ZNF341: variants seen among roughly 807,000 people sequenced by gnomAD.
ZNF341 encodes zinc finger protein 341.
ZNF341 carries 52 observed loss-of-function variants against 87.7 expected under a neutral mutation model. The observed-to-expected ratio is 0.59, with a 90% CI of 0.47 to 0.75. The LOEUF is 0.75. ZNF341 is among the 30% of genes least tolerant of loss of function. ZNF341 has a pLI of 0.00. For synonymous variants in ZNF341, 459 were observed against 472.7 expected (o/e 0.97, Z 0.38); for missense variants, 977 against 1,145.9 (o/e 0.85, Z 2.13).
At chr20:33,736,362 A>G (rs1295885639) in intron 1 of ZNF341, among the ~76,000 whole-genome samples, 2 of 152,004 alleles carry the variant, frequency 1.3e-5, no homozygotes, top group Non-Finnish European at 2.9e-5. Context: ...AACTGCCCTT[A>G]GTCATCCCCG....
At chr20:33,762,565 C>T (rs1043423422) in intron 8 of ZNF341, among the ~76,000 whole-genome samples, 8 of 150,500 alleles carry the variant, frequency 5.3e-5, no homozygotes, top group Admixed American at 6.6e-5. Flanking sequence ...ATGTGCAGAA[C>T]GTGCAGGTTT....
At chr20:33,767,188 A>C (rs747402967) in intron 9 of ZNF341, 147 bp downstream of exon 9, 15 of 998,186 alleles carry the variant, frequency 1.5e-5, no homozygotes, top group Non-Finnish European at 1.9e-5. Context: ...GATTCCGAGC[A>C]GGGGATTGAT....
intron 1 of ZNF341, among the ~76,000 whole-genome samples, chr20:33,739,865 A>T (rs1431176554): frequency 1.3e-5 from 2 of 152,020 alleles, no homozygotes; most frequent in Non-Finnish European, 2.9e-5. Flanking sequence ...CCCAGGATTT[A>T]TCCAGCTTTT....
rs1476450442 is a variant in ZNF341 at position 33,791,481 on chromosome 20, G to T, written c.2529G>T (p.Met843Ile). The change falls in exon 15 of 15, where the codon ATG becomes ATT. Residue 843 changes from methionine to isoleucine, a missense_variant. Coordinates refer to ENST00000375200, the MANE Select transcript of ZNF341 (RefSeq NM_001282933.2). ...LQAGAEGPCA[M>I]LAVPVYIQAS... ...CTGGGGCCGAGGGCCCATGTGCCAT[G>T]CTCGCTGTGCCCGTCTACATCCAGG... 2.5e-6 allele frequency: 4 copies of T among 1,588,218 alleles called. No individual in the cohort carries two copies. Among genetic ancestry groups the T allele is most frequent in the Non-Finnish European group, 3.4e-6 (4 of 1,170,434 alleles).
At chr20:33,764,120 G>T (rs1000953866) in intron 8 of ZNF341, among the ~76,000 whole-genome samples, 1 of 150,178 alleles carries the variant, frequency 6.7e-6, no homozygotes, top group Non-Finnish European at 1.5e-5. Context: ...CGCCTCCTGG[G>T]TTCACGCCAT....
intron 5 of ZNF341, 115 bp from the exon 6 acceptor site, chr20:33,757,033 G>A (rs2019190104): frequency 1.2e-6 from 1 of 827,336 alleles, no homozygotes; most frequent in Non-Finnish European, 1.8e-6. Flanking sequence ...GGGCTGTGAT[G>A]GTGATGTAGG....
At chr20:33,749,217 T>C in intron 4 of ZNF341, 145 bp downstream of exon 4, 2 of 1,211,646 alleles carry the variant, frequency 1.7e-6, no homozygotes, top group Non-Finnish European at 1.1e-6. Context: ...CTTGTCCAGC[T>C]CTGCTATAGA....
intron 4 of ZNF341, among the ~76,000 whole-genome samples, chr20:33,751,210 T>C (rs1397145404): frequency 6.6e-6 from 1 of 152,134 alleles, no homozygotes; most frequent in Non-Finnish European, 1.5e-5. Context: ...TCACTATCCA[T>C]AAACAGACAT....
At position 33,788,862 on chromosome 20, in the gene ZNF341, G is replaced by A; in HGVS notation, c.1853-1G>A. 6.2e-7 allele frequency: 1 copy of A among 1,613,714 alleles called. No individual in the cohort carries two copies. Among genetic ancestry groups the A allele is most frequent in the Non-Finnish European group, 8.5e-7 (1 of 1,179,756 alleles). On this transcript the variant is annotated splice_acceptor_variant, in intron 12 of 14. Coordinates refer to ENST00000375200, the MANE Select transcript of ZNF341 (RefSeq NM_001282933.2). LOFTEE classifies it high-confidence loss of function. Reference sequence around the variant, plus strand: ...GCTCTCCCTGTCTGTGTCTGCTGCAGGTGAGAAGCCCTACAAATGCTCAGT... The same window carrying A: ...GCTCTCCCTGTCTGTGTCTGCTGCAAGTGAGAAGCCCTACAAATGCTCAGT...
intron 10 of ZNF341, among the ~76,000 whole-genome samples, chr20:33,774,941 C>T (rs1179332216): frequency 6.6e-6 from 1 of 152,118 alleles, no homozygotes; most frequent in Non-Finnish European, 1.5e-5. Flanking sequence ...TCGTGAGACC[C>T]TGTCTCGGGG....
chr20:33,789,483 G>A (rs2019950463), intron 13 of ZNF341, 35 bp from the exon 14 acceptor site: 1 of 1,612,534 alleles, frequency 6.2e-7, no homozygotes, highest in African/African-American at 1.3e-5. Context: ...CCTAAGCTTG[G>A]TGAGCTCCCC....
intron 10 of ZNF341, among the ~76,000 whole-genome samples, chr20:33,774,968 G>C (rs1171198854): frequency 6.6e-6 from 1 of 152,052 alleles, no homozygotes; most frequent in African/African-American, 2.4e-5. Flanking sequence ...AAAAACATCA[G>C]TAATATGGAC....
chr20:33,779,129 G>A (rs903833139), intron 10 of ZNF341, among the ~76,000 whole-genome samples: 1 of 152,204 alleles, frequency 6.6e-6, no homozygotes, highest in Non-Finnish European at 1.5e-5. Flanking sequence ...TAGCAGATCT[G>A]CCACTGGGGA....
chr20:33,770,360 C>A, intron 10 of ZNF341, 68 bp downstream of exon 10: 1 of 1,481,298 alleles, frequency 6.8e-7, no homozygotes, highest in Non-Finnish European at 9.3e-7. Context: ...GGGCCTGTGG[C>A]CTTGGTGGTT....
At chr20:33,744,062 C>T (rs1486015228) in intron 2 of ZNF341, among the ~76,000 whole-genome samples, 1 of 151,948 alleles carries the variant, frequency 6.6e-6, no homozygotes, top group Non-Finnish European at 1.5e-5. Context: ...TGAGTGGATC[C>T]CTTGAGGTCA....
intron 8 of ZNF341, among the ~76,000 whole-genome samples, chr20:33,762,518 CT>C (rs527542288): frequency 3.1e-4 from 45 of 145,750 alleles, no homozygotes; most frequent in South Asian, 1.5e-3. Context: ...AAAGCCCTTT[CT>C]TTTTTTTTTT....
Position 33,735,435 on chromosome 20 carries a change from AG to A in ZNF341, c.31+3384del, listed in dbSNP as rs2018659770. On this transcript the variant is annotated intron_variant, in intron 1 of 14. Coordinates refer to ENST00000375200, the MANE Select transcript of ZNF341 (RefSeq NM_001282933.2). Reference sequence around the variant, plus strand: ...CTGCAGCCTCAAACTCCTGGGCTCAAGTGATCCTCCCACCTCAGCCTCCCAG... The same window carrying A: ...CTGCAGCCTCAAACTCCTGGGCTCAATGATCCTCCCACCTCAGCCTCCCAG... 3.3e-5 allele frequency among the ~76,000 whole-genome samples: 5 copies of A among 152,186 alleles called. 1 individual carries two copies. The South Asian group carries it at 1.0e-3, about 32-fold the overall frequency.
intron 2 of ZNF341, among the ~76,000 whole-genome samples, chr20:33,743,828 G>C (rs374257781): frequency 2.0e-5 from 3 of 152,166 alleles, no homozygotes; most frequent in Non-Finnish European, 4.4e-5. Flanking sequence ...TTCAACAAAC[G>C]TCCATTGAGA....
rs2018959689 is a variant in ZNF341, at chr20:33,747,636, A to AAC, written c.340-1286_340-1285insCA. On this transcript the variant is annotated intron_variant, in intron 3 of 14. Transcript: ENST00000375200. Reference sequence around the variant, plus strand: ...TCTCAAAAAAAAAAAAAAAAAAAAAAAAAAAACACAGTCATTTTTCTCACT... The same window carrying AAC: ...TCTCAAAAAAAAAAAAAAAAAAAAAAACAAAAAACACAGTCATTTTTCTCACT... Among the ~76,000 whole-genome samples the AAC allele has an allele frequency of 2.3e-5, 3 of 132,660 alleles. 1 individual carries two copies. In the South Asian group the frequency reaches 6.7e-4, roughly 30 times the overall value. 87.0% of individuals were successfully genotyped at this position (132,660 alleles called of 152,430 possible).
Sources: allele counts gnomAD v4.1 joint callset (sites outside exome capture counted in the v4.1 genomes callset), GRCh38; gene constraint gnomAD v4.1.1; transcripts MANE v1.5; gene names NCBI Gene and HGNC (gene_info 2026-07-23, HGNC 2026-07-21).